Variants in MPPE1 observed in about 807,000 individuals in gnomAD.
MPPE1 encodes metallophosphoesterase 1.
In MPPE1, 28 loss-of-function variants were observed where a neutral mutation model predicts 43.8. The ratio of observed to expected loss-of-function variants is 0.64; its 90% CI spans 0.47 to 0.88. The LOEUF is 0.88. MPPE1 is among the 40% of genes least tolerant of loss of function. The pLI is 0.00. For synonymous variants in MPPE1, 159 were observed against 188.5 expected (o/e 0.84, Z 1.28); for missense variants, 428 against 492.2 (o/e 0.87, Z 1.23).
At chr18:11,906,833 A>G (rs898046087) in intron 1 of MPPE1, among the ~76,000 whole-genome samples, 5 of 149,912 alleles carry the variant, frequency 3.3e-5, no homozygotes, top group Non-Finnish European at 7.4e-5. Context: ...CAGCCTGGGC[A>G]ACAAGAGCGA....
chr18:11,886,379 TAAC>T lies in MPPE1; in HGVS notation c.867+117_867+119del. 4 of 1,407,026 alleles carry T rather than the reference TAAC, an allele frequency of 2.8e-6. No homozygotes were observed. The highest frequency in any genetic ancestry group is 4.0e-6 in the Non-Finnish European group (4 of 1,004,788). 87.2% of individuals were successfully genotyped at this position (1,407,026 alleles called of 1,614,324 possible). The stretch of plus-strand genomic sequence containing the variant: ...CCTCCACCCCTGTCCCCCCAGGTGA[TAAC>T]TAAGTCATGAACGTTTCAGCAAACA... On this transcript the variant is annotated intron_variant, in intron 9 of 10. Transcript: ENST00000588072. This position sits in a 1 kb window ranked among gnomAD's most constrained non-coding sequence, Gnocchi z 4.1.
Position 11,884,620 on chromosome 18 carries a change from A to G in MPPE1, c.1016T>C (p.Ile339Thr). The change falls in exon 11 of 11, where the codon ATC becomes ACC. Residue 339 changes from isoleucine to threonine, a missense_variant. By Grantham distance (89) the Ile-to-Thr change is moderately conservative (BLOSUM62 -1). Transcript: ENST00000588072. ...RNNPSFIMGS[I>T]TPTDYTLSKC... ...GGAGAGGGTGTAGTCTGTGGGCGTG[A>G]TGCTACCCTGGAAAGGAGAAGGGAA... The G allele has an allele frequency of 1.2e-6, 2 of 1,613,286 alleles. No homozygotes were observed. Among genetic ancestry groups the G allele is most frequent in the Non-Finnish European group, 1.7e-6 (2 of 1,179,764 alleles).
chr18:11,888,156 C>G (rs1205601551), intron 6 of MPPE1, among the ~76,000 whole-genome samples: 1 of 152,204 alleles, frequency 6.6e-6, no homozygotes, highest in African/African-American at 2.4e-5. Context: ...AGAGCGGGAG[C>G]TGCTCATGGT....
rs780113760 is a variant in MPPE1, at chr18:11,886,633, GGA to G, written c.745-14_745-13del. The G allele has an allele frequency of 6.8e-6, 11 of 1,614,042 alleles. No individual in the cohort carries two copies. Among genetic ancestry groups the G allele is most frequent in the Non-Finnish European group, 8.5e-6 (10 of 1,180,038 alleles). ...TACAGAGGATAATGCTGTCCGGGGT[GGA>G]GAGAGGAGTTCAGGCGGCTATCGTG... On this transcript the variant is annotated splice_polypyrimidine_tract_variant and intron_variant, in intron 8 of 10. Transcript: ENST00000588072. This position sits in a 1 kb window ranked among gnomAD's most constrained non-coding sequence, Gnocchi z 4.1.
rs150769773 is a variant in MPPE1 at position 11,886,951 on chromosome 18, A to G, written c.644T>C (p.Ile215Thr). The G allele has an allele frequency of 5.6e-6, 9 of 1,613,610 alleles. No homozygotes were observed. The highest frequency in any genetic ancestry group is 1.3e-5 in the African/African-American group (1 of 74,928). ...GCAGTTCAGTCTGTGAGAAACTTCA[A>G]TGAGCTCTGCTTCTGTTTCAGAGCA... ...GICSETEAEL[I>T]EVSHRLNCSR... Residue 215 changes from isoleucine to threonine, a missense_variant, in exon 7 of 11, where the codon ATT (isoleucine) becomes ACT (threonine). Transcript: ENST00000588072. The surrounding 1 kb of genome is among the most constrained non-coding windows in gnomAD (Gnocchi z 4.1).
At chr18:11,900,398 C>T (rs762600689) in intron 2 of MPPE1, among the ~76,000 whole-genome samples, 3 of 151,626 alleles carry the variant, frequency 2.0e-5, no homozygotes, top group Admixed American at 6.6e-5. Flanking sequence ...CCCATCTACG[C>T]GGGAGGCTGA....
At chr18:11,903,384 G>A (rs1448495802) in intron 2 of MPPE1, among the ~76,000 whole-genome samples, 1 of 152,128 alleles carries the variant, frequency 6.6e-6, no homozygotes, top group African/African-American at 2.4e-5. Context: ...CACTGCTCAT[G>A]CTCACCTCCC....
chr18:11,899,962 A>G (rs2038969096), intron 2 of MPPE1, among the ~76,000 whole-genome samples: 1 of 152,102 alleles, frequency 6.6e-6, no homozygotes, highest in Non-Finnish European at 1.5e-5. Context: ...CTGTAATCCC[A>G]GCAGTTTGGG....
chr18:11,899,794 A>G (rs1191389885), intron 2 of MPPE1, among the ~76,000 whole-genome samples: 3 of 152,196 alleles, frequency 2.0e-5, no homozygotes, highest in Non-Finnish European at 4.4e-5. Flanking sequence ...TCTAACATGA[A>G]TCTAGGAACT....
At chr18:11,889,580 T>A in intron 4 of MPPE1, 90 bp from the exon 5 acceptor site, 1 of 950,606 alleles carries the variant, frequency 1.1e-6, no homozygotes, top group South Asian at 1.7e-5. Context: ...TTTGCTTTTT[T>A]TTGAGACGAG....
At position 11,893,686 on chromosome 18, in the gene MPPE1, C is replaced by G. The variant is rs533901396; in HGVS notation, c.282-110G>C. 566 of 813,178 alleles carry G rather than the reference C, an allele frequency of 7.0e-4. No individual in the cohort carries two copies. In the African/African-American group the frequency reaches 8.6e-3, roughly 12 times the overall value. The allele number at this position is 813,178 out of a possible 1,614,324, so 50.4% of individuals were successfully genotyped here. On this transcript the variant is annotated intron_variant, in intron 3 of 10. Transcript: ENST00000588072. ...ACTAAATGGTTCCACTCTCCTTCTT[C>G]CAGAGCCCCACTCTTGCATTCCCAT...
chr18:11,884,790 C>T lies in MPPE1; in HGVS notation c.1009-163G>A, dbSNP rs2036937906. ...CCAAGGGGGCCCAGCCTTCTCCCTG[C>T]ACAGCTCACCCCCGACCAGCCCAGG... On this transcript the variant is annotated intron_variant, in intron 10 of 10. Coordinates refer to ENST00000588072, the MANE Select transcript of MPPE1 (RefSeq NM_023075.6). The T allele has an allele frequency of 6.6e-6, 9 of 1,366,212 alleles. No individual in the cohort carries two copies. The South Asian group carries it at 9.1e-5, about 14-fold the overall frequency. 84.6% of individuals were successfully genotyped at this position (1,366,212 alleles called of 1,614,324 possible).
chr18:11,888,476 G>A (rs367801028), intron 6 of MPPE1, among the ~76,000 whole-genome samples, 193 bp downstream of exon 6: 1 of 152,154 alleles, frequency 6.6e-6, no homozygotes, highest in Non-Finnish European at 1.5e-5. Context: ...AAACCAGGGT[G>A]GTTTGAGGTT....
intron 10 of MPPE1, 143 bp from the exon 11 acceptor site, chr18:11,884,770 G>T: frequency 7.5e-7 from 1 of 1,328,712 alleles, no homozygotes; most frequent in Non-Finnish European, 1.0e-6. Context: ...TGAGACCAAG[G>T]GGGCCCAGCC....
intron 1 of MPPE1, among the ~76,000 whole-genome samples, chr18:11,907,639 G>A (rs925607276): frequency 6.8e-6 from 1 of 147,600 alleles, no homozygotes; most frequent in Non-Finnish European, 1.5e-5. Flanking sequence ...CTTCAGGTGC[G>A]TGCCACTACA....
intron 4 of MPPE1, among the ~76,000 whole-genome samples, chr18:11,890,764 A>T (rs2037907931): frequency 6.6e-6 from 1 of 152,250 alleles, no homozygotes; most frequent in Admixed American, 6.5e-5. Flanking sequence ...GCATGCTATA[A>T]GAACAGGCTC....
intron 9 of MPPE1, 40 bp from the exon 10 acceptor site, chr18:11,885,856 T>C (rs1206260480): frequency 6.4e-7 from 1 of 1,566,874 alleles, no homozygotes; most frequent in Non-Finnish European, 8.7e-7. Flanking sequence ...GGCTGTTAGC[T>C]CATCCTCAAC....
intron 3 of MPPE1, among the ~76,000 whole-genome samples, chr18:11,895,812 C>T (rs541934206): frequency 1.3e-5 from 2 of 152,218 alleles, no homozygotes; most frequent in East Asian, 1.9e-4. Context: ...CAGTTCTTCA[C>T]CTCCACCTCC....
intron 1 of MPPE1, among the ~76,000 whole-genome samples, chr18:11,906,668 C>A (rs1567985810): frequency 6.6e-6 from 1 of 151,778 alleles, no homozygotes; most frequent in African/African-American, 2.4e-5. Context: ...CCAGCCTGAC[C>A]AACATGGAGA....
Sources: gnomAD v4.1 joint callset for allele counts (sites outside exome capture counted in the v4.1 genomes callset) on GRCh38, gnomAD v4.1.1 for gene constraint, Gnocchi (gnomAD v3.1) non-coding constraint, MANE v1.5 for transcripts, NCBI Gene and HGNC (gene_info 2026-07-23, HGNC 2026-07-21) for gene names.